Variants in ANXA8 observed in about 807,000 individuals in gnomAD.
ANXA8 encodes VAC-beta.
Under a neutral mutation model 26.8 loss-of-function variants are expected in ANXA8, and 9 were observed. The ratio of observed to expected loss-of-function variants is 0.34; its 90% confidence interval spans 0.20 to 0.59. The LOEUF (loss-of-function observed/expected upper bound fraction) is 0.59. Among genes scored for constraint, ANXA8 ranks in the 20% least tolerant of loss-of-function variants. ANXA8 has a pLI of 0.84. For missense variants in ANXA8, 83 were observed against 238.5 expected, an observed-to-expected ratio of 0.35 and a Z score of 4.29; for synonymous variants, 39 against 94.8, an observed-to-expected ratio of 0.41 and a Z score of 3.42.
the ANXA8 span, chr10:47,762,931 C>G: frequency 1.5e-6 from 2 of 1,359,128 alleles, no homozygotes; most frequent in East Asian, 3.4e-5. Flanking sequence ...CCAGCCAGGG[C>G]GGGTCCCGGG....
chr10:47,733,298 T>TCTTTCTTTC, the ANXA8 span, among the ~76,000 whole-genome samples: 70 of 60,160 alleles, frequency 1.2e-3, 5 homozygotes, highest in African/African-American at 4.1e-3. Flanking sequence ...TTTCTTTCTT[T>TCTTTCTTTC]TTTTTCTTTC....
At chr10:47,670,406 T>C in the ANXA8 span, among the ~76,000 whole-genome samples, 1 of 152,092 alleles carries the variant, frequency 6.6e-6, no homozygotes, top group African/African-American at 2.4e-5. Flanking sequence ...TCATATATGG[T>C]AATTCTGTCT....
the ANXA8 span, among the ~76,000 whole-genome samples, chr10:47,546,597 G>A: frequency 1.4e-3 from 194 of 137,162 alleles, 4 homozygotes; most frequent in African/African-American, 4.7e-3. Flanking sequence ...TAGTAGAGAC[G>A]GGGTTTCACA....
At chr10:47,536,554 A>C in the ANXA8 span, among the ~76,000 whole-genome samples, 1 of 126,064 alleles carries the variant, frequency 7.9e-6, no homozygotes, top group Non-Finnish European at 1.6e-5. Flanking sequence ...GTAATATATA[A>C]ATATATATAT....
the ANXA8 span, chr10:47,720,199 A>G: frequency 9.6e-7 from 1 of 1,042,700 alleles, no homozygotes; most frequent in Non-Finnish European, 1.3e-6. Context: ...AGTGATAGAT[A>G]GCTATTTATG....
the ANXA8 span, among the ~76,000 whole-genome samples, chr10:47,979,309 C>A: frequency 2.0e-5 from 3 of 151,322 alleles, 1 homozygote; most frequent in Non-Finnish European, 4.4e-5. Flanking sequence ...AAACAGTAAA[C>A]CCACTAGAGC....
the ANXA8 span, chr10:47,692,487 A>AT: frequency 2.1e-4 from 8 of 38,790 alleles, no homozygotes; most frequent in Admixed American, 2.5e-3. Context: ...AAGTGCTAGG[A>AT]TTACAGGCGT....
chr10:47,669,350 T>TTTCTTGGA, the ANXA8 span, among the ~76,000 whole-genome samples: 1 of 150,738 alleles, frequency 6.6e-6, no homozygotes, highest in Non-Finnish European at 1.5e-5. Flanking sequence ...ATACTGCTGG[T>TTTCTTGGA]TTCTTGGATC....
chr10:47,736,715 T>C, the ANXA8 span, among the ~76,000 whole-genome samples: 1 of 148,160 alleles, frequency 6.7e-6, no homozygotes, highest in Admixed American at 6.8e-5. Flanking sequence ...AGTGCAGTGG[T>C]GCGATCTTGG....
the ANXA8 span, among the ~76,000 whole-genome samples, chr10:47,632,981 C>T: frequency 7.4e-6 from 1 of 134,996 alleles, no homozygotes; most frequent in African/African-American, 3.3e-5. Flanking sequence ...AATTATAAAC[C>T]TTGTGCAGAG....
chr10:47,544,799 C>T, the ANXA8 span, among the ~76,000 whole-genome samples: 4 of 140,318 alleles, frequency 2.9e-5, no homozygotes, highest in East Asian at 5.7e-4. Context: ...GTTCTGTGGC[C>T]GATGGACCAC....
At chr10:47,514,315 C>G in the ANXA8 span, among the ~76,000 whole-genome samples, 1 of 150,174 alleles carries the variant, frequency 6.7e-6, no homozygotes, top group Non-Finnish European at 1.5e-5. Context: ...ATGGCATTCC[C>G]AGCAACCTGG....
At chr10:47,626,052 C>T in the ANXA8 span, among the ~76,000 whole-genome samples, 1 of 150,478 alleles carries the variant, frequency 6.6e-6, no homozygotes, top group Non-Finnish European at 1.5e-5. Flanking sequence ...GATTTCTTCC[C>T]TTTTTAAAGC....
the ANXA8 span, among the ~76,000 whole-genome samples, chr10:47,733,321 CCTCTCT>C: frequency 5.1e-4 from 39 of 76,372 alleles, 1 homozygote; most frequent in African/African-American, 1.7e-3. Flanking sequence ...TCTCCCTCTC[CCTCTCT>C]CTCTCTCTCT....
chr10:47,655,934 C>T, the ANXA8 span, among the ~76,000 whole-genome samples: 3,767 of 151,716 alleles, frequency 0.025, 73 homozygotes, highest in African/African-American at 0.085. Flanking sequence ...GCAGGAGAAT[C>T]GCTTGAACCT....
chr10:47,569,764 TTTTTGAGACAGA>T, the ANXA8 span: 2 of 109,178 alleles, frequency 1.8e-5, no homozygotes, highest in African/African-American at 3.1e-4. Flanking sequence ...TTTTTTTTTT[TTTTTGAGACAGA>T]GTCTTACTCT....
At chr10:47,948,661 G>C in the ANXA8 span, among the ~76,000 whole-genome samples, 1 of 150,128 alleles carries the variant, frequency 6.7e-6, no homozygotes, top group Non-Finnish European at 1.5e-5. Flanking sequence ...ATTGGAAGCT[G>C]AGAAGGAAAG....
chr10:47,727,035 C>T, the ANXA8 span: 5 of 1,079,522 alleles, frequency 4.6e-6, no homozygotes, highest in African/African-American at 7.9e-5. Flanking sequence ...GAGCACTGTA[C>T]TTTAAATTAA....
the ANXA8 span, among the ~76,000 whole-genome samples, chr10:47,498,844 G>T: frequency 8.8e-6 from 1 of 113,782 alleles, no homozygotes; most frequent in Middle Eastern, 4.1e-3. Context: ...GCTCACGCCT[G>T]CAATCCCAGC....
Sources: gnomAD v4.1 joint callset for allele counts (sites outside exome capture counted in the v4.1 genomes callset) on GRCh38, gnomAD v4.1.1 for gene constraint, MANE v1.5 for transcripts, NCBI Gene and HGNC (gene_info 2026-07-23, HGNC 2026-07-21) for gene names.